The following KALRN variants were observed in gnomAD, a reference collection of about 807,000 sequenced individuals.
The protein encoded by KALRN is kalirin RhoGEF kinase.
A neutral mutation model predicts 353.7 loss-of-function variants in KALRN; 70 were observed. That is an observed-to-expected ratio of 0.20 (90% CI 0.16 to 0.24). KALRN has a LOEUF of 0.24. Among genes scored for constraint, KALRN ranks in the 10% least tolerant of loss-of-function variants. The pLI is 1.00. For missense variants in KALRN, 2,791 were observed against 3,756.7 expected (o/e 0.74, Z 6.72); for synonymous variants, 1,391 against 1,434.8 (o/e 0.97, Z 0.69).
At chr3:124,103,242 G>T (rs2149444407) in intron 1 of KALRN, among the ~76,000 whole-genome samples, 1 of 152,334 alleles carries the variant, frequency 6.6e-6, no homozygotes, top group Middle Eastern at 3.4e-3. Flanking sequence ...CTAGGGGAAG[G>T]ACACTGATAG....
intron 9 of KALRN, among the ~76,000 whole-genome samples, chr3:124,338,939 C>T (rs549521845): frequency 6.6e-6 from 1 of 152,238 alleles, no homozygotes; most frequent in Admixed American, 6.5e-5. Context: ...AAGTGTGATA[C>T]TTGGACCCCT....
chr3:124,294,520 CTTTTTTTTTTT>C (rs397990993), intron 5 of KALRN, among the ~76,000 whole-genome samples: 2 of 73,894 alleles, frequency 2.7e-5, no homozygotes, highest in Admixed American at 2.0e-4. Flanking sequence ...AGATTCTCTT[CTTTTTTTTTTT>C]TTTTTTTTTT....
chr3:124,510,700 C>G (rs1246970897), intron 33 of KALRN, among the ~76,000 whole-genome samples: 1 of 152,156 alleles, frequency 6.6e-6, no homozygotes, highest in East Asian at 1.9e-4. Flanking sequence ...CACCTCTTCT[C>G]TTTCTCATAT....
intron 45 of KALRN, among the ~76,000 whole-genome samples, chr3:124,663,686 T>A (rs2085189855): frequency 6.6e-6 from 1 of 152,198 alleles, no homozygotes; most frequent in Non-Finnish European, 1.5e-5. Context: ...TTATTCCTTT[T>A]TGGGGCAAAG....
intron 4 of KALRN, among the ~76,000 whole-genome samples, chr3:124,266,736 C>T (rs538765037): frequency 1.2e-4 from 19 of 152,066 alleles, no homozygotes; most frequent in Non-Finnish European, 2.4e-4. Context: ...TTGATGCAGG[C>T]GATTCTCACT....
intron 34 of KALRN, among the ~76,000 whole-genome samples, chr3:124,627,207 G>A (rs941178782): frequency 6.6e-6 from 1 of 152,130 alleles, no homozygotes; most frequent in African/African-American, 2.4e-5. Context: ...AAAGTGTCTT[G>A]GAAATGGTCT....
intron 6 of KALRN, among the ~76,000 whole-genome samples, chr3:124,300,915 G>A (rs1255144726): frequency 6.6e-6 from 1 of 152,126 alleles, no homozygotes; most frequent in Non-Finnish European, 1.5e-5. Flanking sequence ...TCTCCCTTTA[G>A]TGTAGAGCAG....
In KALRN at chr3:124,446,838, A is replaced by G. The variant is rs758171598; in HGVS notation, c.3505A>G (p.Thr1169Ala). ...CTCCACTGGAGAGACCACAGAGGAG[A>G]CTCAGGAACTGCTGAAAGAATATGG... The part of the protein sequence containing the change: ...HTSTGETTEE[T>A]QELLKEYGEF... The change falls in exon 21 of 60, where the codon ACT becomes GCT. Residue 1169 changes from threonine (T) to alanine (A), a missense_variant. This residue lies in a region of KALRN where 268 missense variants were observed against 347.0 expected (regional missense o/e 0.77). Transcript: ENST00000682506. The G allele has an allele frequency of 2.5e-6, 4 of 1,613,872 alleles. No homozygotes were observed. The Admixed American group carries it at 5.0e-5, about 20-fold the overall frequency.
At chr3:124,642,388 G>T (rs1387945384) in intron 37 of KALRN, among the ~76,000 whole-genome samples, 1 of 152,134 alleles carries the variant, frequency 6.6e-6, no homozygotes, top group Non-Finnish European at 1.5e-5. Flanking sequence ...TAGTTCACTG[G>T]GCTCAGGATG....
intron 34 of KALRN, among the ~76,000 whole-genome samples, chr3:124,569,500 C>A (rs1048163373): frequency 2.0e-5 from 3 of 152,174 alleles, no homozygotes; most frequent in Non-Finnish European, 4.4e-5. Flanking sequence ...TTGCTTTATG[C>A]TAATAGCAAT....
At chr3:124,705,537 G>A (rs574980588) in intron 57 of KALRN, among the ~76,000 whole-genome samples, 17 of 152,224 alleles carry the variant, frequency 1.1e-4, no homozygotes, top group Admixed American at 9.2e-4. Context: ...GGAGCATCAC[G>A]TACCTCTGGA....
In KALRN at chr3:124,334,516, G is replaced by A; in HGVS notation, c.1647+21G>A. 1.3e-6 allele frequency: 2 copies of A among 1,569,692 alleles called. No individual in the cohort carries two copies. The highest frequency in any genetic ancestry group is 1.7e-6 in the Non-Finnish European group (2 of 1,144,710). ...AGCAGGTAACAGGCTCTGAGCCCCG[G>A]TGTCCATTATCCATTCTAGGAGGCA... On this transcript the variant is annotated intron_variant, in intron 9 of 59. Transcript: ENST00000682506. The surrounding 1 kb of genome is among the most constrained non-coding windows in gnomAD (Gnocchi z 4.2).
At chr3:124,206,227 T>A (rs1038187003) in intron 1 of KALRN, among the ~76,000 whole-genome samples, 1 of 152,160 alleles carries the variant, frequency 6.6e-6, no homozygotes, top group Non-Finnish European at 1.5e-5. Flanking sequence ...GACTTACCCT[T>A]TCTATTCAGT....
At chr3:124,557,927 G>A (rs2071468597) in intron 33 of KALRN, among the ~76,000 whole-genome samples, 1 of 152,150 alleles carries the variant, frequency 6.6e-6, no homozygotes, top group Non-Finnish European at 1.5e-5. Context: ...TCACATGGAA[G>A]CTTCCTGGAA....
rs182466912 is a variant in KALRN, at chr3:124,310,169, G to T, written c.1092+11256G>T. Among the ~76,000 whole-genome samples, 75 of 151,842 alleles carry T rather than the reference G, an allele frequency of 4.9e-4. No homozygotes were observed. The East Asian group carries it at 0.012, about 24-fold the overall frequency. The stretch of plus-strand genomic sequence containing the variant: ...TAGGAAAAAAATTCCATTTATAATA[G>T]CATAAAAAAGAATAAGATGCTTGGG... On this transcript the variant is annotated intron_variant, in intron 6 of 59. Coordinates refer to ENST00000682506, the MANE Select transcript of KALRN (RefSeq NM_001388419.1).
At chr3:124,094,997 G>A in intron 1 of KALRN, 1 of 1,182,556 alleles carries the variant, frequency 8.5e-7, no homozygotes, top group South Asian at 1.3e-5. Context: ...ACAGCAGAGA[G>A]GGGAGGGGGG....
chr3:124,126,489 G>A (rs1022805227), intron 1 of KALRN, among the ~76,000 whole-genome samples: 4 of 152,132 alleles, frequency 2.6e-5, no homozygotes, highest in African/African-American at 9.7e-5. Flanking sequence ...TGTGGTCTCA[G>A]GACATCCCCT....
chr3:124,476,791 A>T (rs2061472228), intron 26 of KALRN, among the ~76,000 whole-genome samples: 2 of 152,188 alleles, frequency 1.3e-5, no homozygotes, highest in Non-Finnish European at 2.9e-5. Flanking sequence ...ACCTTTCTCC[A>T]ATGGAGACAT....
At chr3:124,285,927 C>T (rs2075787558) in intron 5 of KALRN, among the ~76,000 whole-genome samples, 1 of 152,176 alleles carries the variant, frequency 6.6e-6, no homozygotes, top group African/African-American at 2.4e-5. Flanking sequence ...CTGGACAGGA[C>T]AGACATAGAA....
Sources: gnomAD v4.1 joint callset for allele counts (sites outside exome capture counted in the v4.1 genomes callset) on GRCh38, gnomAD v4.1.1 for gene constraint, gnomAD v4.1.1 regional missense constraint, Gnocchi (gnomAD v3.1) non-coding constraint, MANE v1.5 for transcripts, NCBI Gene and HGNC (gene_info 2026-07-23, HGNC 2026-07-21) for gene names.